The following FAM163A variants were observed in gnomAD, a reference collection of about 807,000 sequenced individuals.
The protein encoded by FAM163A is family with sequence similarity 163 member A.
A neutral mutation model predicts 12.0 loss-of-function variants in FAM163A; 7 were observed. The ratio of observed to expected loss-of-function variants is 0.58; its 90% CI spans 0.33 to 1.10. The LOEUF is 1.10. Among genes scored for constraint, FAM163A ranks in the 50% least tolerant of loss-of-function variants. The pLI, the probability that FAM163A is intolerant of heterozygous loss-of-function variation, is 0.03. For missense variants in FAM163A, 202 were observed against 218.6 expected (o/e 0.92, Z 0.48); for synonymous variants, 101 against 91.0 (o/e 1.11, Z -0.62).
chr1:179,813,608 A>T (rs1391984914), intron 4 of FAM163A, among the ~76,000 whole-genome samples, 171 bp from the exon 5 acceptor site: 1 of 152,156 alleles, frequency 6.6e-6, no homozygotes, highest in Admixed American at 6.5e-5. Flanking sequence ...GGAAAGCAGT[A>T]CTGGCCTTGC....
intron 1 of FAM163A, among the ~76,000 whole-genome samples, chr1:179,786,316 A>T (rs1464327977): frequency 6.6e-6 from 1 of 152,172 alleles, no homozygotes; most frequent in Non-Finnish European, 1.5e-5. Flanking sequence ...TGACAGCAGC[A>T]GGGTCTCAGG....
At chr1:179,805,273 T>C (rs1256220449) in intron 1 of FAM163A, among the ~76,000 whole-genome samples, 1 of 152,152 alleles carries the variant, frequency 6.6e-6, no homozygotes, top group Admixed American at 6.5e-5. Flanking sequence ...ATCCTAGTAC[T>C]TTGGGAGGCT....
intron 1 of FAM163A, among the ~76,000 whole-genome samples, chr1:179,774,883 C>A (rs1327657445): frequency 6.6e-6 from 1 of 152,154 alleles, no homozygotes; most frequent in Non-Finnish European, 1.5e-5. Flanking sequence ...CCGTCTGTTC[C>A]ACTGAAAAAC....
intron 1 of FAM163A, among the ~76,000 whole-genome samples, chr1:179,786,698 T>G (rs1409729759): frequency 6.6e-6 from 1 of 152,200 alleles, no homozygotes; most frequent in Non-Finnish European, 1.5e-5. Flanking sequence ...TCAGAGAGAT[T>G]GAATAACTTT....
intron 1 of FAM163A, among the ~76,000 whole-genome samples, chr1:179,797,772 A>G (rs1692549779): frequency 6.6e-6 from 1 of 152,176 alleles, no homozygotes; most frequent in African/African-American, 2.4e-5. Flanking sequence ...CTCTCTCAGA[A>G]TACTGATTCT....
At chr1:179,778,623 T>C (rs1449221389) in intron 1 of FAM163A, among the ~76,000 whole-genome samples, 1 of 151,996 alleles carries the variant, frequency 6.6e-6, no homozygotes, top group African/African-American at 2.4e-5. Context: ...GTAGGAAAGA[T>C]AGTAGCATTC....
At chr1:179,795,728 G>C (rs1478626885) in intron 1 of FAM163A, among the ~76,000 whole-genome samples, 2 of 152,180 alleles carry the variant, frequency 1.3e-5, no homozygotes, top group Non-Finnish European at 2.9e-5. Context: ...GCTGAATCGG[G>C]CTCAATAGCA....
At chr1:179,743,614 CGTAGCA>C (rs929686110) in intron 1 of FAM163A, among the ~76,000 whole-genome samples, 191 bp downstream of exon 1, 1 of 152,172 alleles carries the variant, frequency 6.6e-6, no homozygotes, top group Non-Finnish European at 1.5e-5. Context: ...CCGCCTTCAG[CGTAGCA>C]GTTCCCCACT....
chr1:179,814,109 C>A lies in FAM163A; in HGVS notation c.424C>A (p.Pro142Thr), dbSNP rs751173931. The A allele has an allele frequency of 1.2e-6, 2 of 1,614,220 alleles. No homozygotes were observed. The highest frequency in any genetic ancestry group is 4.5e-5 in the East Asian group (2 of 44,872). ...GGPPSLKLAA[P>T]QSYPVTWPGS... is the part of the protein sequence containing the mutation. ...ACCCCCATCCCTCAAATTGGCAGCACCCCAGAGTTACCCGGTGACCTGGCC... is the reference window on the plus strand; with the variant it reads ...ACCCCCATCCCTCAAATTGGCAGCAACCCAGAGTTACCCGGTGACCTGGCC... Residue 142 changes from proline (P) to threonine (T), a missense_variant, in exon 5 of 5, where the codon CCC (proline) becomes ACC (threonine). Transcript: ENST00000341785.
chr1:179,770,709 C>A (rs1248762869), intron 1 of FAM163A, among the ~76,000 whole-genome samples: 3 of 152,104 alleles, frequency 2.0e-5, no homozygotes, highest in Non-Finnish European at 4.4e-5. Flanking sequence ...TTGCGCACCC[C>A]ACAGGCCTCA....
At chr1:179,799,524 C>T (rs1477219560) in intron 1 of FAM163A, among the ~76,000 whole-genome samples, 4 of 152,232 alleles carry the variant, frequency 2.6e-5, no homozygotes, top group Admixed American at 6.5e-5. Context: ...CAGGCTGTCC[C>T]GGAAATAGTC....
chr1:179,747,575 T>G (rs551534140), intron 1 of FAM163A, among the ~76,000 whole-genome samples: 1 of 152,330 alleles, frequency 6.6e-6, no homozygotes, highest in African/African-American at 2.4e-5. Flanking sequence ...GCCTACACTA[T>G]TTCATTGAAT....
At chr1:179,766,506 G>A (rs7521562) in intron 1 of FAM163A, among the ~76,000 whole-genome samples, 17,347 of 152,194 alleles carry the variant, frequency 0.11, 1,097 homozygotes, top group Non-Finnish European at 0.13. Context: ...GAACCTAAGC[G>A]TAAAAATGAA....
chr1:179,755,668 G>A (rs1488682463), intron 1 of FAM163A, among the ~76,000 whole-genome samples: 1 of 152,140 alleles, frequency 6.6e-6, no homozygotes, highest in Non-Finnish European at 1.5e-5. Context: ...TGAAAGATTT[G>A]AACTGTTTCT....
chr1:179,806,437 G>A (rs1201590630), intron 1 of FAM163A, among the ~76,000 whole-genome samples: 1 of 152,070 alleles, frequency 6.6e-6, no homozygotes, highest in Non-Finnish European at 1.5e-5. Context: ...GAGGTGATAC[G>A]GGGACAGGGC....
chr1:179,795,556 T>C (rs1427716936), intron 1 of FAM163A, among the ~76,000 whole-genome samples: 4 of 152,230 alleles, frequency 2.6e-5, no homozygotes, highest in Non-Finnish European at 5.9e-5. Flanking sequence ...CCCCACCAGA[T>C]GCTGGTGCCA....
At chr1:179,747,633 C>T (rs1684678192) in intron 1 of FAM163A, among the ~76,000 whole-genome samples, 1 of 152,328 alleles carries the variant, frequency 6.6e-6, no homozygotes, top group East Asian at 1.9e-4. Context: ...TGGTATCAAG[C>T]AGCATGTCTT....
chr1:179,779,714 A>G (rs867464913), intron 1 of FAM163A, among the ~76,000 whole-genome samples: 56 of 152,218 alleles, frequency 3.7e-4, no homozygotes, highest in African/African-American at 1.2e-3. Flanking sequence ...GTAGATAAAC[A>G]GATTTATGTT....
At chr1:179,803,557 G>T (rs746640365) in intron 1 of FAM163A, among the ~76,000 whole-genome samples, 2 of 151,752 alleles carry the variant, frequency 1.3e-5, no homozygotes, top group African/African-American at 2.4e-5. Context: ...GGCCTTTAAG[G>T]CCCCCATTTT....
Sources: gnomAD v4.1 joint callset for allele counts (sites outside exome capture counted in the v4.1 genomes callset) on GRCh38, gnomAD v4.1.1 for gene constraint, MANE v1.5 for transcripts, NCBI Gene and HGNC (gene_info 2026-07-23, HGNC 2026-07-21) for gene names.